The following KCTD16 variants were observed in gnomAD, a reference collection of about 807,000 sequenced individuals.
KCTD16 encodes the protein BTB/POZ domain-containing protein KCTD16.
In KCTD16, 13 loss-of-function variants were observed where a neutral mutation model predicts 33.2. The ratio of observed to expected loss-of-function variants is 0.39; its 90% CI spans 0.25 to 0.62. The LOEUF (loss-of-function observed/expected upper bound fraction) is 0.62, where lower values mean the gene tolerates loss of function less well. Ranked by LOEUF, KCTD16 falls within the 20% of genes least tolerant of loss-of-function variation. The pLI, the probability that KCTD16 is intolerant of heterozygous loss-of-function variation, is 0.50. For synonymous variants in KCTD16, 197 were observed against 195.3 expected (o/e 1.01, Z -0.07); for missense variants, 441 against 525.1 (o/e 0.84, Z 1.57).
intron 3 of KCTD16, among the ~76,000 whole-genome samples, chr5:144,309,053 G>T (rs1397497901): frequency 6.6e-6 from 1 of 152,036 alleles, no homozygotes; most frequent in African/African-American, 2.4e-5. Flanking sequence ...CAAGCTAATT[G>T]GATCCTAATG....
chr5:144,208,665 T>C lies in KCTD16; in HGVS notation c.832+1119T>C, dbSNP rs540314423. Among the ~76,000 whole-genome samples, 6 of 152,338 alleles carry C rather than the reference T, an allele frequency of 3.9e-5. No individual in the cohort carries two copies. In the South Asian group the frequency reaches 1.2e-3, roughly 32 times the overall value. The stretch of plus-strand genomic sequence containing the variant: ...GTAGGACTGAATTTCTTGGACTGGT[T>C]TTTTTCCTTAGTTATGTTTAATCAT... On this transcript the variant is annotated intron_variant, in intron 3 of 3. Coordinates refer to ENST00000512467, the MANE Select transcript of KCTD16 (RefSeq NM_020768.4).
intron 3 of KCTD16, among the ~76,000 whole-genome samples, chr5:144,299,044 C>CTATATATATATATATATATATATATATA (rs10589565): frequency 2.8e-5 from 1 of 35,958 alleles, no homozygotes; most frequent in Non-Finnish European, 5.6e-5. Context: ...AAACAGATCA[C>CTATATATATATATATATATATATATATA]TATATATATA....
At chr5:144,398,147 C>T (rs1028933977) in intron 3 of KCTD16, among the ~76,000 whole-genome samples, 3 of 152,118 alleles carry the variant, frequency 2.0e-5, no homozygotes, top group African/African-American at 7.2e-5. Context: ...CCTGCCTTGC[C>T]AGAAGTGGAA....
chr5:144,337,944 TATTTAAA>T (rs1009661302), intron 3 of KCTD16, among the ~76,000 whole-genome samples: 3 of 152,168 alleles, frequency 2.0e-5, no homozygotes, highest in Non-Finnish European at 2.9e-5. Flanking sequence ...TTGTTGTGAA[TATTTAAA>T]AAATTGATAT....
intron 3 of KCTD16, among the ~76,000 whole-genome samples, chr5:144,213,978 G>A (rs1235930988): frequency 6.6e-6 from 1 of 152,104 alleles, no homozygotes; most frequent in Non-Finnish European, 1.5e-5. Context: ...GAATCATTTT[G>A]GGTAGAAAAG....
At chr5:144,357,354 G>A (rs1188849677) in intron 3 of KCTD16, among the ~76,000 whole-genome samples, 1 of 152,148 alleles carries the variant, frequency 6.6e-6, no homozygotes, top group East Asian at 1.9e-4. Flanking sequence ...CCTTTCTATA[G>A]CTCTAGAGCA....
chr5:144,307,454 A>G (rs1751632853), intron 3 of KCTD16, among the ~76,000 whole-genome samples: 3 of 152,170 alleles, frequency 2.0e-5, no homozygotes, highest in South Asian at 4.1e-4. Context: ...CTTTTAGAAT[A>G]ATAATGATCA....
rs142054198 is a variant in KCTD16 at position 144,227,589 on chromosome 5, A to G, written c.832+20043A>G. On this transcript the variant is annotated intron_variant, in intron 3 of 3. Coordinates refer to ENST00000512467, the MANE Select transcript of KCTD16 (RefSeq NM_020768.4). ...ATTTTTAAAAGCTGCCTGCCAAATG[A>G]TGTCAGAAATTTGACATATATTTTA... Among the ~76,000 whole-genome samples the G allele has an allele frequency of 4.1e-3, 631 of 152,366 alleles. 5 individuals carry two copies. The highest frequency in any genetic ancestry group is 0.011 in the East Asian group (58 of 5,188).
intron 3 of KCTD16, among the ~76,000 whole-genome samples, chr5:144,249,702 G>A (rs192301081): frequency 6.6e-6 from 1 of 152,072 alleles, no homozygotes; most frequent in Non-Finnish European, 1.5e-5. Context: ...GTGGGTTTTT[G>A]TATTAACAAT....
intron 3 of KCTD16, among the ~76,000 whole-genome samples, chr5:144,263,827 A>C (rs567327197): frequency 2.0e-5 from 3 of 152,344 alleles, no homozygotes; most frequent in South Asian, 4.1e-4. Flanking sequence ...CCAAGATCAG[A>C]GTGCCACCAT....
intron 2 of KCTD16, among the ~76,000 whole-genome samples, chr5:144,188,633 C>A (rs1051228361): frequency 1.3e-5 from 2 of 152,190 alleles, no homozygotes; most frequent in Non-Finnish European, 1.5e-5. Context: ...AATAAAGAGG[C>A]ATCTAACCAA....
At position 144,342,671 on chromosome 5, in the gene KCTD16, A is replaced by G. The variant is rs180780938; in HGVS notation, c.833-130989A>G. Among the ~76,000 whole-genome samples the G allele has an allele frequency of 1.2e-3, 176 of 152,248 alleles. 2 individuals carry two copies. The East Asian group carries it at 0.026, about 23-fold the overall frequency. On this transcript the variant is annotated intron_variant, in intron 3 of 3. Transcript: ENST00000512467. The stretch of plus-strand genomic sequence containing the variant: ...TGTCTTGTGCCAGTTTTCAAAGGGA[A>G]TGTTTCCAGTTTTTGCCCATTCAGT...
At chr5:144,382,276 T>C (rs918885633) in intron 3 of KCTD16, among the ~76,000 whole-genome samples, 1 of 152,088 alleles carries the variant, frequency 6.6e-6, no homozygotes. Flanking sequence ...AGGGTGAAGG[T>C]ACTCTTTAGT....
At chr5:144,234,213 A>G (rs1754183975) in intron 3 of KCTD16, among the ~76,000 whole-genome samples, 1 of 152,172 alleles carries the variant, frequency 6.6e-6, no homozygotes, top group African/African-American at 2.4e-5. Context: ...TCCAAATTCA[A>G]AAGTCAAGAC....
chr5:144,373,499 C>T (rs1446478029), intron 3 of KCTD16, among the ~76,000 whole-genome samples: 1 of 152,100 alleles, frequency 6.6e-6, no homozygotes, highest in African/African-American at 2.4e-5. Flanking sequence ...AAAATGAAGG[C>T]CATCCTGTAA....
intron 3 of KCTD16, among the ~76,000 whole-genome samples, chr5:144,331,857 C>A (rs915567698): frequency 2.5e-4 from 38 of 152,300 alleles, no homozygotes; most frequent in African/African-American, 8.4e-4. Flanking sequence ...TAAACTGGAA[C>A]TGCCCCCTGA....
chr5:144,363,052 G>T (rs1296161905), intron 3 of KCTD16, among the ~76,000 whole-genome samples: 2 of 152,020 alleles, frequency 1.3e-5, no homozygotes, highest in African/African-American at 4.8e-5. Context: ...TTTGTTCTTT[G>T]AAGAAAATGG....
chr5:144,456,613 T>C (rs1754068681), intron 3 of KCTD16, among the ~76,000 whole-genome samples: 2 of 152,212 alleles, frequency 1.3e-5, no homozygotes, highest in African/African-American at 4.8e-5. Flanking sequence ...TGGTCTCAGG[T>C]TTATTATTCA....
At chr5:144,172,206 G>A (rs1384270392) in intron 1 of KCTD16, among the ~76,000 whole-genome samples, 1 of 151,994 alleles carries the variant, frequency 6.6e-6, no homozygotes, top group Non-Finnish European at 1.5e-5. Flanking sequence ...AAAAACCTAG[G>A]ATTGTACTCT....
Sources: allele counts gnomAD v4.1 joint callset (sites outside exome capture counted in the v4.1 genomes callset), GRCh38; gene constraint gnomAD v4.1.1; transcripts MANE v1.5; gene names NCBI Gene and HGNC (gene_info 2026-07-23, HGNC 2026-07-21).